The following SHMT1 variants were observed in gnomAD, a reference collection of about 807,000 sequenced individuals.
The protein encoded by SHMT1 is serine hydroxymethyltransferase, cytosolic.
Under a neutral mutation model 49.0 loss-of-function variants are expected in SHMT1, and 45 were observed. That is an observed-to-expected ratio of 0.92 (90% CI 0.72 to 1.18). The LOEUF (loss-of-function observed/expected upper bound fraction) is 1.18, where lower values mean the gene tolerates loss of function less well. Ranked by LOEUF, SHMT1 falls within the 50% of genes most tolerant of loss-of-function variation. The pLI, the probability that SHMT1 is intolerant of heterozygous loss-of-function variation, is 0.00. For synonymous variants in SHMT1, 232 were observed against 246.6 expected (o/e 0.94, Z 0.55); for missense variants, 541 against 612.4 (o/e 0.88, Z 1.23).
intron 3 of SHMT1, among the ~76,000 whole-genome samples, chr17:18,353,066 C>T (rs1985883615): frequency 6.6e-6 from 1 of 152,172 alleles, no homozygotes; most frequent in African/African-American, 2.4e-5. Flanking sequence ...AATTCCTTCT[C>T]CAAGGGTGAC....
intron 1 of SHMT1, among the ~76,000 whole-genome samples, chr17:18,358,897 T>C (rs1183546263): frequency 1.3e-5 from 2 of 151,642 alleles, no homozygotes; most frequent in African/African-American, 2.4e-5. Flanking sequence ...AGTAAGACCC[T>C]GTGTGTGTGT....
Position 18,344,147 on chromosome 17 carries a change from G to C in SHMT1, c.520-3334C>G, listed in dbSNP as rs558200678. Among the ~76,000 whole-genome samples the C allele has an allele frequency of 9.9e-5, 15 of 152,126 alleles. 1 individual carries two copies. In the South Asian group the frequency reaches 2.5e-3, roughly 25 times the overall value. On this transcript the variant is annotated intron_variant, in intron 5 of 11. Coordinates refer to ENST00000316694, the MANE Select transcript of SHMT1 (RefSeq NM_004169.5). Reference sequence around the variant, plus strand: ...GGAGTGAAAGGTTTCAGGATTGGTGGTCACTCTTTCCAAATAAAAAAAGGC... The same window carrying C: ...GGAGTGAAAGGTTTCAGGATTGGTGCTCACTCTTTCCAAATAAAAAAAGGC...
chr17:18,346,210 T>C (rs1985065420), intron 5 of SHMT1, among the ~76,000 whole-genome samples: 2 of 152,016 alleles, frequency 1.3e-5, no homozygotes, highest in South Asian at 4.1e-4. Context: ...AGCAGAAGGA[T>C]GCAGTGCTAC....
At chr17:18,346,478 G>A (rs1284412649) in intron 5 of SHMT1, among the ~76,000 whole-genome samples, 1 of 152,078 alleles carries the variant, frequency 6.6e-6, no homozygotes, top group Non-Finnish European at 1.5e-5. Context: ...GTATTTGCCT[G>A]GGGCCCTGCA....
At chr17:18,341,368 C>T (rs1984486660) in intron 5 of SHMT1, 2 of 168,722 alleles carry the variant, frequency 1.2e-5, no homozygotes, top group East Asian at 1.7e-4. Context: ...GGGCTGGGCG[C>T]GGTGGCTCAC....
At chr17:18,344,010 G>C (rs1984814252) in intron 5 of SHMT1, among the ~76,000 whole-genome samples, 1 of 151,810 alleles carries the variant, frequency 6.6e-6, no homozygotes, top group Non-Finnish European at 1.5e-5. Context: ...TCTGGGATCT[G>C]AGAAGCCTCA....
chr17:18,340,519 G>A lies in SHMT1; in HGVS notation c.601+213C>T. 3 of 679,702 alleles carry A rather than the reference G, an allele frequency of 4.4e-6. No individual in the cohort carries two copies. The highest frequency in any genetic ancestry group is 2.7e-5 in the East Asian group (1 of 37,020). 42.1% of individuals were successfully genotyped at this position (679,702 alleles called of 1,614,324 possible). The stretch of plus-strand genomic sequence containing the variant: ...CTGACATTTCTAGATGCTTCTCTGA[G>A]AACAGTCTCACATCTTAATCTACAT... On this transcript the variant is annotated intron_variant, in intron 6 of 11. Coordinates refer to ENST00000316694, the MANE Select transcript of SHMT1 (RefSeq NM_004169.5). This position sits in a 1 kb window ranked among gnomAD's most constrained non-coding sequence, Gnocchi z 4.5.
rs1270204339 is a variant in SHMT1 at position 18,348,978 on chromosome 17, GAAAAGA to G, written c.243-544_243-539del. On this transcript the variant is annotated intron_variant, in intron 3 of 11. Coordinates refer to ENST00000316694, the MANE Select transcript of SHMT1 (RefSeq NM_004169.5). ...TGGACCCTGTCTCAAAAAAAAAAAA[GAAAAGA>G]AAAAGAAAAAAAAAAGGAAAGAAAT... 4.2e-5 allele frequency among the ~76,000 whole-genome samples: 6 copies of G among 142,226 alleles called. No individual in the cohort carries two copies. In the Admixed American group the frequency reaches 4.3e-4, roughly 10 times the overall value. 93.3% of individuals were successfully genotyped at this position (142,226 alleles called of 152,430 possible).
At chr17:18,361,735 G>A (rs991706559) in intron 1 of SHMT1, among the ~76,000 whole-genome samples, 5 of 151,372 alleles carry the variant, frequency 3.3e-5, no homozygotes, top group South Asian at 2.1e-4. Context: ...GCAGTGAGCC[G>A]AGATCGCGCC....
At chr17:18,339,548 G>T (rs1984247114) in intron 7 of SHMT1, among the ~76,000 whole-genome samples, 1 of 151,782 alleles carries the variant, frequency 6.6e-6, no homozygotes, top group Non-Finnish European at 1.5e-5. Context: ...TCCTTCTGGG[G>T]ATTCCTTTCT....
intron 5 of SHMT1, among the ~76,000 whole-genome samples, chr17:18,347,071 C>T (rs1339492447): frequency 1.3e-5 from 2 of 152,190 alleles, no homozygotes; most frequent in Non-Finnish European, 2.9e-5. Context: ...CGTTGCCATG[C>T]CTGTAGCTAC....
intron 2 of SHMT1, among the ~76,000 whole-genome samples, chr17:18,355,050 C>CAAAAAAAAAAAAAA (rs768492183): frequency 8.2e-5 from 2 of 24,458 alleles, no homozygotes; most frequent in African/African-American, 1.7e-4. Context: ...GACTATATCT[C>CAAAAAAAAAAAAAA]AAAAAAAAAA....
intron 9 of SHMT1, chr17:18,332,803 G>A: frequency 1.4e-5 from 5 of 365,952 alleles, no homozygotes; most frequent in South Asian, 1.0e-4. Context: ...CCCTGGCACA[G>A]TGCAAGGCAT....
rs1984368065 is a variant in SHMT1, at chr17:18,340,410, T to G, written c.602-155A>C. Reference sequence around the variant, plus strand: ...ATGGAGAATGCCCTCAAAAAGCACCTCTGTGCTAAAGGCAACCACTCTAAC... The same window carrying G: ...ATGGAGAATGCCCTCAAAAAGCACCGCTGTGCTAAAGGCAACCACTCTAAC... On this transcript the variant is annotated intron_variant, in intron 6 of 11. Coordinates refer to ENST00000316694, the MANE Select transcript of SHMT1 (RefSeq NM_004169.5). This position sits in a 1 kb window ranked among gnomAD's most constrained non-coding sequence, Gnocchi z 4.5. 3 of 840,572 alleles carry G rather than the reference T, an allele frequency of 3.6e-6. No homozygotes were observed. In the South Asian group the frequency reaches 4.3e-5, roughly 12 times the overall value. The allele number at this position is 840,572 out of a possible 1,614,324, so 52.1% of individuals were successfully genotyped here.
chr17:18,331,366 C>G (rs1983187962), intron 9 of SHMT1: 2 of 159,380 alleles, frequency 1.3e-5, no homozygotes, highest in Non-Finnish European at 2.8e-5. Flanking sequence ...GCTGTGCCCA[C>G]CCACTTGCCG....
intron 1 of SHMT1, among the ~76,000 whole-genome samples, chr17:18,356,738 G>GCA (rs1277598392): frequency 6.6e-6 from 1 of 152,078 alleles, no homozygotes; most frequent in Non-Finnish European, 1.5e-5. Context: ...GTAAACACGA[G>GCA]CATGTTCTAT....
chr17:18,344,689 A>C (rs919990106), intron 5 of SHMT1, among the ~76,000 whole-genome samples: 2 of 151,830 alleles, frequency 1.3e-5, no homozygotes, highest in South Asian at 2.1e-4. Flanking sequence ...ACAAGAGAAC[A>C]ACTCCTAGAA....
rs1177587754 is a variant in SHMT1, at chr17:18,347,566, G to A, written c.449C>T (p.Thr150Ile). 2 of 1,614,086 alleles carry A rather than the reference G, an allele frequency of 1.2e-6. No homozygotes were observed. The highest frequency in any genetic ancestry group is 2.7e-5 in the African/African-American group (2 of 74,932). Residue 150 changes from threonine (T) to isoleucine (I), a missense_variant, in exon 5 of 12, where the codon ACC becomes ATC. Thr to Ile is a moderately conservative substitution (Grantham distance 89). Coordinates refer to ENST00000316694, the MANE Select transcript of SHMT1 (RefSeq NM_004169.5). ...GLDLPDGGHLTHGFMTDKKKI... is the reference protein window; with the variant it reads ...GLDLPDGGHLIHGFMTDKKKI... ...CTTCTTGTCTGTCATGAACCCATGG[G>A]TCAGGTGGCCCCCATCCGGAAGGTC...
In SHMT1 at chr17:18,348,308, A is replaced by G. The variant is rs1985315480; in HGVS notation, c.358+17T>C. On this transcript the variant is annotated intron_variant, in intron 4 of 11. Coordinates refer to ENST00000316694, the MANE Select transcript of SHMT1 (RefSeq NM_004169.5). ...ACATGAAGAGGCTGCACCAGGCCAT[A>G]TGGATGAGACAAGCACCTGAGTAGG... The G allele has an allele frequency of 3.3e-6, 5 of 1,528,448 alleles. No individual in the cohort carries two copies. The highest frequency in any genetic ancestry group is 1.7e-4 in the Middle Eastern group (1 of 5,908). 94.7% of individuals were successfully genotyped at this position (1,528,448 alleles called of 1,614,324 possible).
Sources: gnomAD v4.1 joint callset for allele counts (sites outside exome capture counted in the v4.1 genomes callset) on GRCh38, gnomAD v4.1.1 for gene constraint, Gnocchi (gnomAD v3.1) non-coding constraint, MANE v1.5 for transcripts, NCBI Gene and HGNC (gene_info 2026-07-23, HGNC 2026-07-21) for gene names.